Variants in CSMD1 observed in about 807,000 individuals in gnomAD.
The protein encoded by CSMD1 is CUB and Sushi multiple domains 1, also known as CUB and sushi domain-containing protein 1.
CSMD1 carries 213 observed loss-of-function variants against 417.5 expected under a neutral mutation model. The observed-to-expected ratio is 0.51, with a 90% CI of 0.46 to 0.57. The LOEUF (loss-of-function observed/expected upper bound fraction) is 0.57. Among genes scored for constraint, CSMD1 ranks in the 20% least tolerant of loss-of-function variants. CSMD1 has a pLI of 0.00. For missense variants in CSMD1, 6,923 were observed against 4,529.7 expected (o/e 1.53, Z -15.17); for synonymous variants, 2,862 against 1,736.8 (o/e 1.65, Z -16.11).
intron 2 of CSMD1, among the ~76,000 whole-genome samples, chr8:4,480,451 T>A (rs1488089773): frequency 6.6e-6 from 1 of 152,172 alleles, no homozygotes; most frequent in East Asian, 1.9e-4. Flanking sequence ...AGCATAACCT[T>A]CTACTCTCAT....
intron 4 of CSMD1, among the ~76,000 whole-genome samples, chr8:4,015,845 G>T (rs183706968): frequency 1.6e-4 from 25 of 152,158 alleles, no homozygotes; most frequent in African/African-American, 7.2e-5. Context: ...TCCCAATAAT[G>T]GTTCGTATGC....
intron 48 of CSMD1, among the ~76,000 whole-genome samples, chr8:3,090,309 T>TCC (rs1814851468): frequency 1.0e-5 from 1 of 97,356 alleles, no homozygotes; most frequent in African/African-American, 4.0e-5. Flanking sequence ...AGAGCCAGAC[T>TCC]GTATTTCAAA....
intron 3 of CSMD1, among the ~76,000 whole-genome samples, chr8:4,131,048 G>A (rs1393144111): frequency 6.6e-6 from 1 of 152,124 alleles, no homozygotes; most frequent in Non-Finnish European, 1.5e-5. Context: ...GATTGGATTT[G>A]TCCTAATCCT....
chr8:3,885,908 A>T (rs1017678996), intron 5 of CSMD1, among the ~76,000 whole-genome samples: 20 of 152,284 alleles, frequency 1.3e-4, no homozygotes, highest in African/African-American at 4.8e-4. Context: ...GTTTGTTGTT[A>T]ATCTGTGAAT....
At chr8:3,714,059 G>GATAGATAT (rs1563301773) in intron 6 of CSMD1, among the ~76,000 whole-genome samples, 1 of 150,120 alleles carries the variant, frequency 6.7e-6, no homozygotes, top group African/African-American at 2.4e-5. Flanking sequence ...TAGATAGATA[G>GATAGATAT]ATGTCCACAT....
chr8:3,711,877 T>A (rs1254149251), intron 6 of CSMD1, among the ~76,000 whole-genome samples: 1 of 152,176 alleles, frequency 6.6e-6, no homozygotes, highest in African/African-American at 2.4e-5. Flanking sequence ...AACGCAAATG[T>A]CACTCACCCT....
chr8:3,546,825 T>C (rs1291520047), intron 10 of CSMD1, among the ~76,000 whole-genome samples: 1 of 152,086 alleles, frequency 6.6e-6, no homozygotes, highest in Non-Finnish European at 1.5e-5. Flanking sequence ...TTACTTCCAG[T>C]GATGTTATTA....
chr8:3,863,519 A>G (rs796543327), intron 5 of CSMD1, among the ~76,000 whole-genome samples: 5 of 152,252 alleles, frequency 3.3e-5, no homozygotes, highest in African/African-American at 9.6e-5. Context: ...TTGGGCTCCA[A>G]CATTCAAATT....
intron 7 of CSMD1, among the ~76,000 whole-genome samples, chr8:3,683,562 A>G (rs953740174): frequency 1.8e-4 from 27 of 152,330 alleles, no homozygotes; most frequent in African/African-American, 5.5e-4. Context: ...AACCAAAAGA[A>G]AAATGAAATA....
intron 7 of CSMD1, among the ~76,000 whole-genome samples, chr8:3,651,326 A>T (rs1285605910): frequency 2.0e-5 from 3 of 152,060 alleles, no homozygotes; most frequent in African/African-American, 7.2e-5. Flanking sequence ...AAAACCAGAC[A>T]AGATCTAGTC....
intron 5 of CSMD1, among the ~76,000 whole-genome samples, chr8:3,867,542 C>G (rs1805186892): frequency 6.6e-6 from 1 of 152,092 alleles, no homozygotes; most frequent in Non-Finnish European, 1.5e-5. Context: ...CAACAGAAGG[C>G]TAGTGAGAGA....
intron 7 of CSMD1, among the ~76,000 whole-genome samples, chr8:3,676,235 G>T (rs1272216070): frequency 6.6e-6 from 1 of 152,046 alleles, no homozygotes; most frequent in Admixed American, 6.6e-5. Context: ...CTAACCTTGG[G>T]GTCAGACATG....
At chr8:3,118,673 T>C in intron 41 of CSMD1, 86 bp from the exon 42 acceptor site, 3 of 1,179,960 alleles carry the variant, frequency 2.5e-6, no homozygotes, top group Non-Finnish European at 3.7e-6. Flanking sequence ...CACATGTGAC[T>C]GCTTGAGATG....
intron 5 of CSMD1, among the ~76,000 whole-genome samples, chr8:3,830,681 A>G (rs1802326415): frequency 6.6e-6 from 1 of 152,156 alleles, no homozygotes; most frequent in Non-Finnish European, 1.5e-5. Context: ...GAAAACAGAG[A>G]GAAAAAAAAT....
At chr8:4,149,773 C>T (rs148486462) in intron 3 of CSMD1, among the ~76,000 whole-genome samples, 4 of 152,186 alleles carry the variant, frequency 2.6e-5, no homozygotes, top group Non-Finnish European at 4.4e-5. Context: ...CTGGATGTGT[C>T]GTAGTTGCTT....
At chr8:3,556,987 G>T (rs186381779) in intron 10 of CSMD1, among the ~76,000 whole-genome samples, 1 of 152,286 alleles carries the variant, frequency 6.6e-6, no homozygotes, top group East Asian at 1.9e-4. Context: ...CCAGCACCCA[G>T]TCCTTTGCAG....
chr8:3,690,793 G>A (rs1457329761), intron 7 of CSMD1, among the ~76,000 whole-genome samples: 1 of 152,160 alleles, frequency 6.6e-6, no homozygotes, highest in South Asian at 2.1e-4. Flanking sequence ...TATAAAAAAA[G>A]GAATAGTCAT....
chr8:3,934,417 C>G (rs2688265), intron 5 of CSMD1, among the ~76,000 whole-genome samples: 1 of 151,866 alleles, frequency 6.6e-6, no homozygotes. Context: ...TAATGAACAC[C>G]GGTAGTAATT....
At chr8:3,161,633 A>AG (rs1819899985) in intron 38 of CSMD1, among the ~76,000 whole-genome samples, 2 of 151,816 alleles carry the variant, frequency 1.3e-5, no homozygotes, top group African/African-American at 4.8e-5. Flanking sequence ...AGAAAAAAAA[A>AG]AAAAAAAAAA....
Sources: gnomAD v4.1 joint callset for allele counts (sites outside exome capture counted in the v4.1 genomes callset) on GRCh38, gnomAD v4.1.1 for gene constraint, MANE v1.5 for transcripts, NCBI Gene and HGNC (gene_info 2026-07-23, HGNC 2026-07-21) for gene names.